The following FAM186A variants were observed in gnomAD, a reference collection of about 807,000 sequenced individuals.
FAM186A encodes the protein family with sequence similarity 186 member A, also known as protein FAM186A.
A neutral mutation model predicts 216.8 loss-of-function variants in FAM186A; 163 were observed. The observed-to-expected ratio is 0.75, with a 90% CI of 0.66 to 0.86. The LOEUF is 0.86. Among genes scored for constraint, FAM186A ranks in the 40% least tolerant of loss-of-function variants. FAM186A has a pLI of 0.00. For missense variants in FAM186A, 2,184 were observed against 2,746.2 expected (o/e 0.80, Z 4.58); for synonymous variants, 805 against 1,025.3 (o/e 0.79, Z 4.10).
chr12:50,345,469 G>C (rs1034314366), intron 4 of FAM186A, among the ~76,000 whole-genome samples: 6 of 152,100 alleles, frequency 3.9e-5, no homozygotes, highest in African/African-American at 1.4e-4. Flanking sequence ...TCTAGGATTT[G>C]TATAGTTTGA....
At chr12:50,365,273 T>C (rs1250843730) in intron 1 of FAM186A, among the ~76,000 whole-genome samples, 1 of 152,188 alleles carries the variant, frequency 6.6e-6, no homozygotes, top group Admixed American at 6.6e-5. Flanking sequence ...TTTGTGTCTT[T>C]CATATTTATT....
chr12:50,373,064 A>G lies in FAM186A; in HGVS notation c.193-9700T>C, dbSNP rs560729852. Reference sequence around the variant, plus strand: ...GAAAGAAAGAAAGAAAGAAAGAAAGAAAGAAAGAAAGAGAAAAGAAAGAAA... The same window carrying G: ...GAAAGAAAGAAAGAAAGAAAGAAAGGAAGAAAGAAAGAGAAAAGAAAGAAA... On this transcript the variant is annotated intron_variant, in intron 1 of 7. Transcript: ENST00000327337. Among the ~76,000 whole-genome samples, 35 of 147,358 alleles carry G rather than the reference A, an allele frequency of 2.4e-4. No homozygotes were observed. In the South Asian group the frequency reaches 7.1e-3, roughly 30 times the overall value.
At chr12:50,391,389 C>G (rs796606927) in intron 1 of FAM186A, among the ~76,000 whole-genome samples, 4 of 151,950 alleles carry the variant, frequency 2.6e-5, no homozygotes, top group African/African-American at 9.7e-5. Flanking sequence ...GATCTTGGCT[C>G]ACTGCAACCT....
At chr12:50,334,498 GAC>G (rs1332323872) in intron 4 of FAM186A, among the ~76,000 whole-genome samples, 1 of 151,042 alleles carries the variant, frequency 6.6e-6, no homozygotes, top group Non-Finnish European at 1.5e-5. Context: ...ATTTTTTTGA[GAC>G]AGAGTCTCAC....
At chr12:50,345,531 G>A (rs1462600521) in intron 4 of FAM186A, among the ~76,000 whole-genome samples, 1 of 152,196 alleles carries the variant, frequency 6.6e-6, no homozygotes, top group African/African-American at 2.4e-5. Flanking sequence ...TGTATATGGT[G>A]AAAGGTAGGG....
intron 1 of FAM186A, among the ~76,000 whole-genome samples, chr12:50,394,872 G>A (rs939371145): frequency 2.7e-5 from 4 of 150,186 alleles, no homozygotes; most frequent in African/African-American, 9.8e-5. Flanking sequence ...GGGACTGCAA[G>A]TGCATACCAC....
intron 5 of FAM186A, among the ~76,000 whole-genome samples, chr12:50,333,398 G>C (rs939378959): frequency 2.6e-5 from 4 of 152,066 alleles, no homozygotes; most frequent in Admixed American, 6.6e-5. Context: ...TGGGCATGGT[G>C]GTGGGCGCCT....
In FAM186A at chr12:50,388,335, C is replaced by T. The variant is rs2136107561; in HGVS notation, c.192+7958G>A. Among the ~76,000 whole-genome samples the T allele has an allele frequency of 2.0e-5, 3 of 152,244 alleles. No homozygotes were observed. The South Asian group carries it at 6.2e-4, about 32-fold the overall frequency. On this transcript the variant is annotated intron_variant, in intron 1 of 7. Coordinates refer to ENST00000327337, the MANE Select transcript of FAM186A (RefSeq NM_001145475.3). ...ACAGGGTCAAGGTTTATCCTTTCAG[C>T]CAGGCGGGCGCAGTGGCTCACACCT...
chr12:50,394,623 T>C (rs1053779823), intron 1 of FAM186A, among the ~76,000 whole-genome samples: 20 of 151,684 alleles, frequency 1.3e-4, no homozygotes, highest in African/African-American at 4.8e-4. Context: ...ACAGAGGTCT[T>C]ACTATGTTGC....
intron 1 of FAM186A, among the ~76,000 whole-genome samples, chr12:50,388,282 T>C (rs1257309841): frequency 1.3e-5 from 2 of 152,184 alleles, no homozygotes; most frequent in Non-Finnish European, 2.9e-5. Flanking sequence ...TTAAGAATTG[T>C]TATATTTCAC....
intron 1 of FAM186A, among the ~76,000 whole-genome samples, chr12:50,370,681 T>A (rs1386894424): frequency 3.3e-5 from 5 of 152,154 alleles, no homozygotes; most frequent in Non-Finnish European, 5.9e-5. Flanking sequence ...GCAGGGTCCC[T>A]AAGAAATATT....
At chr12:50,339,468 C>G (rs1942741505) in intron 4 of FAM186A, among the ~76,000 whole-genome samples, 1 of 152,118 alleles carries the variant, frequency 6.6e-6, no homozygotes, top group Non-Finnish European at 1.5e-5. Flanking sequence ...CCCTTATATT[C>G]TTTCAAAACA....
At chr12:50,363,544 T>G (rs1284649514) in intron 1 of FAM186A, among the ~76,000 whole-genome samples, 180 bp from the exon 2 acceptor site, 1 of 152,154 alleles carries the variant, frequency 6.6e-6, no homozygotes, top group Non-Finnish European at 1.5e-5. Flanking sequence ...TTTTTCTGCC[T>G]TCATCATCCT....
Position 50,352,982 on chromosome 12 carries a change from C to G in FAM186A, c.3850G>C (p.Ala1284Pro), listed in dbSNP as rs1565885476. Residue 1284 changes from alanine (A) to proline (P), a missense_variant, in exon 4 of 8, where the codon GCT becomes CCT. Around this residue, in one of 7 missense-constraint regions of FAM186A, gnomAD observed 267 missense variants for 446.2 expected, o/e 0.60. Transcript: ENST00000327337. ...ALGITLTPKQ[A>P]QELGIPLNPQ... ...TTGAGAGGGATCCCCAATTCCTGAG[C>G]CTGCTTAGGGGTGAGAGTGATCCCC... 2 of 1,531,934 alleles carry G rather than the reference C, an allele frequency of 1.3e-6. No individual in the cohort carries two copies. The highest frequency in any genetic ancestry group is 2.5e-5 in the East Asian group (1 of 39,454). The allele number at this position is 1,531,934 out of a possible 1,614,324, so 94.9% of individuals were successfully genotyped here.
chr12:50,349,380 G>T lies in FAM186A; in HGVS notation c.6503+949C>A, dbSNP rs572095565. ...GGCATGCACCATCATGTAGAGACAG[G>T]GTCTCAATTTGTTGTCCAGGCTTGT... On this transcript the variant is annotated intron_variant, in intron 4 of 7. Transcript: ENST00000327337. Among the ~76,000 whole-genome samples, 3 of 151,826 alleles carry T rather than the reference G, an allele frequency of 2.0e-5. No homozygotes were observed. In the East Asian group the frequency reaches 5.8e-4, roughly 30 times the overall value.
Position 50,363,313 on chromosome 12 carries a change from T to C in FAM186A, c.244A>G (p.Thr82Ala). 6.4e-7 allele frequency: 1 copy of C among 1,551,378 alleles called. No homozygotes were observed. The highest frequency in any genetic ancestry group is 1.4e-5 in the African/African-American group (1 of 73,144). The stretch of plus-strand genomic sequence containing the variant: ...GAGTTAAAAACAAGAGTATAGCGAG[T>C]CATTATCCGATGCACATTGTTCATT... ...EIMNNVHRIM[T>A]RYTLVFNSSS... is the part of the protein sequence containing the mutation. The change falls in exon 2 of 8, where the codon ACT (threonine) becomes GCT (alanine). Residue 82 changes from threonine to alanine, a missense_variant. Physicochemically the swap from Thr to Ala is moderately conservative, Grantham distance 58. Coordinates refer to ENST00000327337, the MANE Select transcript of FAM186A (RefSeq NM_001145475.3).
At chr12:50,367,520 A>G (rs977331088) in intron 1 of FAM186A, among the ~76,000 whole-genome samples, 1 of 148,526 alleles carries the variant, frequency 6.7e-6, no homozygotes, top group Non-Finnish European at 1.5e-5. Context: ...CTGTCTCAAA[A>G]AAAAAAAAAA....
At chr12:50,379,661 C>T (rs919420673) in intron 1 of FAM186A, among the ~76,000 whole-genome samples, 6 of 151,528 alleles carry the variant, frequency 4.0e-5, no homozygotes, top group African/African-American at 1.5e-4. Flanking sequence ...TGGAGCATGC[C>T]TGTAATCCCA....
rs552453823 is a variant in FAM186A at position 50,347,813 on chromosome 12, T to A, written c.6503+2516A>T. Among the ~76,000 whole-genome samples the A allele has an allele frequency of 5.8e-4, 88 of 152,310 alleles. No individual in the cohort carries two copies. In the South Asian group the frequency reaches 8.1e-3, roughly 14 times the overall value. On this transcript the variant is annotated intron_variant, in intron 4 of 7. Transcript: ENST00000327337. The stretch of plus-strand genomic sequence containing the variant: ...TTTAAAAATCAGGACCAGGACCTGC[T>A]GCCTGCTGCCTCCAGGTCACCCCAA...
Sources: gnomAD v4.1 joint callset for allele counts (sites outside exome capture counted in the v4.1 genomes callset) on GRCh38, gnomAD v4.1.1 for gene constraint, gnomAD v4.1.1 regional missense constraint, MANE v1.5 for transcripts, NCBI Gene and HGNC (gene_info 2026-07-23, HGNC 2026-07-21) for gene names.